The following PTPRU variants were observed in gnomAD, a reference collection of about 807,000 sequenced individuals.
PTPRU encodes the protein protein tyrosine phosphatase receptor type U.
A neutral mutation model predicts 166.3 loss-of-function variants in PTPRU; 69 were observed. That is an observed-to-expected ratio of 0.41 (90% confidence interval 0.34 to 0.51). The LOEUF (loss-of-function observed/expected upper bound fraction) is 0.51, where lower values mean the gene tolerates loss of function less well. PTPRU is among the 20% of genes least tolerant of loss of function. The pLI, the probability that PTPRU is intolerant of heterozygous loss-of-function variation, is 0.09. For synonymous variants in PTPRU, 793 were observed against 814.0 expected (o/e 0.97, Z 0.44); for missense variants, 1,657 against 2,013.7 (o/e 0.82, Z 3.39).
rs1179993182 is a variant in PTPRU, at chr1:29,259,919, A to G, written c.725A>G (p.His242Arg). The G allele has an allele frequency of 2.0e-6, 3 of 1,532,684 alleles. No homozygotes were observed. Among genetic ancestry groups the G allele is most frequent in the East Asian group, 4.9e-5 (2 of 40,798 alleles). 94.9% of individuals were successfully genotyped at this position (1,532,684 alleles called of 1,614,324 possible). ...VPAAGVRHISHRRFLATFPLA... is the reference protein window; with the variant it reads ...VPAAGVRHISRRRFLATFPLA... ...GCGGCGGGCGTGCGGCACATCAGCC[A>G]CCGGCGCTTCCTGGCCACTTTCCCG... Residue 242 changes from histidine to arginine, a missense_variant, in exon 6 of 30, where the codon CAC becomes CGC. This residue lies in a region of PTPRU where 453 missense variants were observed against 496.9 expected (regional missense o/e 0.91). Coordinates refer to ENST00000373779, the MANE Select transcript of PTPRU (RefSeq NM_133178.4).
rs769516856 is a variant in PTPRU, at chr1:29,311,845, G to T, written c.3072+86G>T. 44 of 1,301,710 alleles carry T rather than the reference G, an allele frequency of 3.4e-5. No homozygotes were observed. Among genetic ancestry groups the T allele is most frequent in the Non-Finnish European group, 4.6e-5 (42 of 918,578 alleles). The allele number at this position is 1,301,710 out of a possible 1,614,324, so 80.6% of individuals were successfully genotyped here. On this transcript the variant is annotated intron_variant, in intron 21 of 29. Transcript: ENST00000373779. This position sits in a 1 kb window ranked among gnomAD's most constrained non-coding sequence, Gnocchi z 4.1. ...CCCACTTCCCCCAGCCCTGGGAGCAGGAGGGTGAGGAGCGCACCACTGCCC... is the reference window on the plus strand; with the variant it reads ...CCCACTTCCCCCAGCCCTGGGAGCATGAGGGTGAGGAGCGCACCACTGCCC...
At chr1:29,301,540 G>A (rs1378254399) in intron 15 of PTPRU, among the ~76,000 whole-genome samples, 1 of 152,116 alleles carries the variant, frequency 6.6e-6, no homozygotes, top group Non-Finnish European at 1.5e-5. Flanking sequence ...ACAGCCTCTG[G>A]CAGGTCCTTC....
In PTPRU at chr1:29,303,864, G is replaced by T. The variant is rs1687255081; in HGVS notation, c.2486G>T (p.Arg829Leu). ...THGYSTRGDQ[R>L]SGGVTEASSL... ...CTTTCTCTGACTGCAGGAGACCAGC[G>T]CAGCGGTGGGGTCACTGAGGCCAGC... The change falls in exon 16 of 30, where the codon CGC becomes CTC. Residue 829 changes from arginine (R) to leucine (L), a missense_variant. Physicochemically the swap from Arg to Leu is moderately radical, Grantham distance 102. Coordinates refer to ENST00000373779, the MANE Select transcript of PTPRU (RefSeq NM_133178.4). 6.2e-7 allele frequency: 1 copy of T among 1,608,590 alleles called. No individual in the cohort carries two copies. Among genetic ancestry groups the T allele is most frequent in the Non-Finnish European group, 8.5e-7 (1 of 1,175,838 alleles).
rs952231402 is a variant in PTPRU, at chr1:29,311,022, T to G, written c.2857+242T>G. On this transcript the variant is annotated intron_variant, in intron 19 of 29. Coordinates refer to ENST00000373779, the MANE Select transcript of PTPRU (RefSeq NM_133178.4). This position sits in a 1 kb window ranked among gnomAD's most constrained non-coding sequence, Gnocchi z 4.1. ...GTCTCCCTGATGTGCTCAGTCCATC[T>G]GTTGCTCCTGGTCTACCTGCCTGTC... Among the ~76,000 whole-genome samples, 1 of 152,222 alleles carries G rather than the reference T, an allele frequency of 6.6e-6. No homozygotes were observed. The highest frequency in any genetic ancestry group is 1.5e-5 in the Non-Finnish European group (1 of 68,038).
Position 29,311,241 on chromosome 1 carries a change from C to T in PTPRU, c.2858-215C>T, listed in dbSNP as rs1056670080. On this transcript the variant is annotated intron_variant, in intron 19 of 29. Transcript: ENST00000373779. This position sits in a 1 kb window ranked among gnomAD's most constrained non-coding sequence, Gnocchi z 4.1. ...CCTCCAGGGTCCCATTCAGGATGAG[C>T]GGGCTCTTTAGCCAGGCCCTCTCCT... 33 of 599,658 alleles carry T rather than the reference C, an allele frequency of 5.5e-5. No individual in the cohort carries two copies. The highest frequency in any genetic ancestry group is 1.7e-4 in the East Asian group (6 of 36,114). 37.1% of individuals were successfully genotyped at this position (599,658 alleles called of 1,614,324 possible).
At chr1:29,254,055 T>C (rs1684667686) in intron 1 of PTPRU, among the ~76,000 whole-genome samples, 1 of 152,176 alleles carries the variant, frequency 6.6e-6, no homozygotes, top group East Asian at 1.9e-4. Context: ...CGTGGTGCTG[T>C]GGACAAATCC....
intron 15 of PTPRU, among the ~76,000 whole-genome samples, chr1:29,298,499 A>G (rs1019153513): frequency 6.6e-6 from 1 of 152,144 alleles, no homozygotes; most frequent in Non-Finnish European, 1.5e-5. Flanking sequence ...ACTGTGGGTA[A>G]CTGGTGGCGG....
At chr1:29,252,093 A>G (rs1406261090) in intron 1 of PTPRU, among the ~76,000 whole-genome samples, 1 of 152,164 alleles carries the variant, frequency 6.6e-6, no homozygotes, top group Non-Finnish European at 1.5e-5. Context: ...ACAAAGAGCC[A>G]AAGAGCTCAG....
intron 15 of PTPRU, among the ~76,000 whole-genome samples, chr1:29,299,123 AG>A (rs1687027431): frequency 6.6e-6 from 1 of 152,212 alleles, no homozygotes; most frequent in Non-Finnish European, 1.5e-5. Flanking sequence ...CATTTCCAGA[AG>A]AAGAAACTGA....
rs950209413 is a variant in PTPRU, at chr1:29,237,560, C to CGCGTGT, written c.73+853_73+858dup. Among the ~76,000 whole-genome samples, 2 of 150,184 alleles carry CGCGTGT rather than the reference C, an allele frequency of 1.3e-5. No homozygotes were observed. Among genetic ancestry groups the CGCGTGT allele is most frequent in the Admixed American group, 6.6e-5 (1 of 15,158 alleles). On this transcript the variant is annotated intron_variant, in intron 1 of 29. Transcript: ENST00000373779. The surrounding 1 kb of genome is among the most constrained non-coding windows in gnomAD (Gnocchi z 6.4). ...GGGGCGGTGGCAGGACGTGTGTGCG[C>CGCGTGT]GCGTGTGCGTGTGCGCGTGTGTGGC...
At chr1:29,282,567 G>A in intron 11 of PTPRU, 109 bp from the exon 12 acceptor site, 1 of 1,404,994 alleles carries the variant, frequency 7.1e-7, no homozygotes, top group Non-Finnish European at 9.5e-7. Context: ...GTGTGTGGAA[G>A]TTAGTCCCCA....
intron 15 of PTPRU, among the ~76,000 whole-genome samples, chr1:29,295,466 T>C (rs1686839891): frequency 6.6e-6 from 1 of 152,220 alleles, no homozygotes; most frequent in Admixed American, 6.5e-5. Flanking sequence ...AAATTGTCTT[T>C]CCACCCATGA....
chr1:29,292,138 A>T (rs1411988010), intron 15 of PTPRU, 112 bp downstream of exon 15: 1 of 1,339,520 alleles, frequency 7.5e-7, no homozygotes, highest in African/African-American at 1.5e-5. Context: ...AAAGTGAAGC[A>T]TCTGTGGTGC....
Position 29,317,280 on chromosome 1 carries a change from A to AC in PTPRU, c.3514-463dup, listed in dbSNP as rs1268407819. 6.6e-6 allele frequency among the ~76,000 whole-genome samples: 1 copy of AC among 151,720 alleles called. No homozygotes were observed. The highest frequency in any genetic ancestry group is 2.4e-5 in the African/African-American group (1 of 41,264). Reference sequence around the variant, plus strand: ...GACAGGGCCGTGACCAAGGAACGTGACCCCCTCTCCACGTGCCTGGAGTCC... The same window carrying AC: ...GACAGGGCCGTGACCAAGGAACGTGACCCCCCTCTCCACGTGCCTGGAGTCC... On this transcript the variant is annotated intron_variant, in intron 24 of 29. Transcript: ENST00000373779. This position sits in a 1 kb window ranked among gnomAD's most constrained non-coding sequence, Gnocchi z 5.6.
At chr1:29,298,723 C>T (rs1687006563) in intron 15 of PTPRU, among the ~76,000 whole-genome samples, 7 of 152,156 alleles carry the variant, frequency 4.6e-5, no homozygotes, top group Admixed American at 4.6e-4. Context: ...ATCAGGGAAG[C>T]AGAGAGAGCA....
chr1:29,320,627 G>A lies in PTPRU; in HGVS notation c.3688-58G>A. On this transcript the variant is annotated intron_variant, in intron 25 of 29. Coordinates refer to ENST00000373779, the MANE Select transcript of PTPRU (RefSeq NM_133178.4). The surrounding 1 kb of genome is among the most constrained non-coding windows in gnomAD (Gnocchi z 5.2). Reference sequence around the variant, plus strand: ...TGCGGGAAGACAGCCTGGGGCAGAGGCTCAGCCCAGGCCAGGGGCCGGGAA... The same window carrying A: ...TGCGGGAAGACAGCCTGGGGCAGAGACTCAGCCCAGGCCAGGGGCCGGGAA... 4.7e-6 allele frequency: 7 copies of A among 1,488,142 alleles called. No homozygotes were observed. The South Asian group carries it at 6.8e-5, about 14-fold the overall frequency. The allele number at this position is 1,488,142 out of a possible 1,614,324, so 92.2% of individuals were successfully genotyped here. A position where few individuals can be genotyped will look rare whatever the true frequency, so the allele number is the denominator to read the frequency against.
intron 1 of PTPRU, among the ~76,000 whole-genome samples, chr1:29,247,909 G>A (rs1684370832): frequency 6.6e-6 from 1 of 152,190 alleles, no homozygotes; most frequent in Non-Finnish European, 1.5e-5. Context: ...CCAGCCCTGG[G>A]CGATCTTTCT....
intron 13 of PTPRU, 50 bp from the exon 14 acceptor site, chr1:29,284,681 G>A: frequency 1.9e-6 from 3 of 1,613,602 alleles, no homozygotes; most frequent in Non-Finnish European, 2.5e-6. Context: ...GGAGGGGCTC[G>A]ATGGTCCCTG....
chr1:29,282,410 A>C (rs1194661049), intron 11 of PTPRU, among the ~76,000 whole-genome samples: 2 of 152,212 alleles, frequency 1.3e-5, no homozygotes, highest in African/African-American at 4.8e-5. Flanking sequence ...TAGTAACAGG[A>C]ATAACCGCTG....
Sources: allele counts gnomAD v4.1 joint callset (sites outside exome capture counted in the v4.1 genomes callset), GRCh38; gene constraint gnomAD v4.1.1; regional missense constraint gnomAD v4.1.1; non-coding constraint Gnocchi (gnomAD v3.1); transcripts MANE v1.5; gene names NCBI Gene and HGNC (gene_info 2026-07-23, HGNC 2026-07-21).